HSD17B11: variants seen among roughly 807,000 people sequenced by gnomAD.
HSD17B11 encodes the protein hydroxysteroid 17-beta dehydrogenase 11.
In HSD17B11, 22 loss-of-function variants were observed where a neutral mutation model predicts 27.8. The ratio of observed to expected loss-of-function variants is 0.79; its 90% confidence interval spans 0.56 to 1.13. The LOEUF is 1.13. HSD17B11 is among the 50% of genes most tolerant of loss of function. HSD17B11 has a pLI of 0.00. For synonymous variants in HSD17B11, 117 were observed against 132.8 expected (o/e 0.88, Z 0.82); for missense variants, 314 against 351.1 (o/e 0.89, Z 0.84).
intron 1 of HSD17B11, chr4:87,387,085 A>ACCACAGT (rs1361234577): frequency 3.3e-5 from 5 of 152,314 alleles, no homozygotes; most frequent in African/African-American, 1.2e-4. Context: ...TGCAGAGCGC[A>ACCACAGT]CCACAGTCCA....
chr4:87,341,028 A>G (rs1479719427), intron 5 of HSD17B11, among the ~76,000 whole-genome samples: 2 of 152,194 alleles, frequency 1.3e-5, no homozygotes. Flanking sequence ...TTTATTATAT[A>G]CTCAGTCTCC....
rs780238456 is a variant in HSD17B11 at position 87,357,420 on chromosome 4, A to C, written c.558-4T>G. ...AACAGCAGCAAACTTGCTTGAACTG[A>C]AAATAGAGAGTTTACAAAATAATTC... On this transcript the variant is annotated splice_polypyrimidine_tract_variant and splice_region_variant and intron_variant, in intron 4 of 6. Coordinates refer to ENST00000358290, the MANE Select transcript of HSD17B11 (RefSeq NM_016245.5). 1 of 1,609,504 alleles carries C rather than the reference A, an allele frequency of 6.2e-7. No homozygotes were observed. Among genetic ancestry groups the C allele is most frequent in the Admixed American group, 1.7e-5 (1 of 58,864 alleles).
At chr4:87,375,656 G>A (rs1048283994) in intron 2 of HSD17B11, among the ~76,000 whole-genome samples, 1 of 152,198 alleles carries the variant, frequency 6.6e-6, no homozygotes, top group African/African-American at 2.4e-5. Context: ...CAGGAGAATC[G>A]CTTGAACCCG....
At chr4:87,384,490 C>T (rs575913170) in intron 1 of HSD17B11, among the ~76,000 whole-genome samples, 6 of 152,246 alleles carry the variant, frequency 3.9e-5, no homozygotes, top group Non-Finnish European at 5.9e-5. Context: ...AGCCTATAAA[C>T]GGATGTGCAA....
intron 2 of HSD17B11, among the ~76,000 whole-genome samples, chr4:87,375,706 A>C (rs1353987786): frequency 1.3e-5 from 2 of 152,210 alleles, no homozygotes; most frequent in Non-Finnish European, 2.9e-5. Flanking sequence ...GCGCCATCGC[A>C]CTCCGGCCTG....
chr4:87,340,671 T>C, intron 5 of HSD17B11, 65 bp from the exon 6 acceptor site: 4 of 1,063,498 alleles, frequency 3.8e-6, no homozygotes, highest in Non-Finnish European at 5.8e-6. Context: ...AGTTTGGTGC[T>C]AACCAACAGC....
At chr4:87,357,949 A>ATTTTTTTTTTTTTTTTTTTTTTTTTTTTT (rs57139706) in intron 4 of HSD17B11, among the ~76,000 whole-genome samples, 1 of 80,172 alleles carries the variant, frequency 1.2e-5, no homozygotes, top group African/African-American at 4.3e-5. Flanking sequence ...CATTAGAGAA[A>ATTTTTTTTTTTTTTTTTTTTTTTTTTTTT]TTTTTTTTTT....
At chr4:87,375,143 C>A (rs1453185760) in intron 2 of HSD17B11, among the ~76,000 whole-genome samples, 1 of 152,170 alleles carries the variant, frequency 6.6e-6, no homozygotes, top group African/African-American at 2.4e-5. Flanking sequence ...AAGTGATCTG[C>A]CCACCTCAGC....
intron 1 of HSD17B11, 147 bp from the exon 2 acceptor site, chr4:87,382,509 G>A: frequency 1.9e-6 from 1 of 515,928 alleles, no homozygotes; most frequent in East Asian, 2.9e-5. Flanking sequence ...ATTTTTGGCA[G>A]GTATATAGGC....
chr4:87,380,371 G>T (rs1297070743), intron 2 of HSD17B11, among the ~76,000 whole-genome samples: 2 of 147,008 alleles, frequency 1.4e-5, no homozygotes, highest in African/African-American at 5.0e-5. Context: ...TACTCGAGAG[G>T]CTGAGGCAGG....
intron 2 of HSD17B11, among the ~76,000 whole-genome samples, chr4:87,379,347 T>C (rs1219350295): frequency 6.6e-6 from 1 of 151,282 alleles, no homozygotes; most frequent in Non-Finnish European, 1.5e-5. Context: ...AATTGAGATG[T>C]GCTGTATATA....
chr4:87,389,005 G>T (rs979794356), intron 1 of HSD17B11, among the ~76,000 whole-genome samples: 1 of 152,096 alleles, frequency 6.6e-6, no homozygotes, highest in Non-Finnish European at 1.5e-5. Context: ...ATATCATACT[G>T]ACAGCTTTTT....
rs976799601 is a variant in HSD17B11 at position 87,361,065 on chromosome 4, T to C, written c.558-3649A>G. 3.3e-5 allele frequency among the ~76,000 whole-genome samples: 5 copies of C among 152,124 alleles called. 1 individual carries two copies. The highest frequency in any genetic ancestry group is 1.2e-4 in the African/African-American group (5 of 41,434). On this transcript the variant is annotated intron_variant, in intron 4 of 6. Coordinates refer to ENST00000358290, the MANE Select transcript of HSD17B11 (RefSeq NM_016245.5). Reference sequence around the variant, plus strand: ...AACTCCATCTTAAATAGGAGCTGGGTAAAATAAGGCTGAAACCTACCGGGC... The same window carrying C: ...AACTCCATCTTAAATAGGAGCTGGGCAAAATAAGGCTGAAACCTACCGGGC...
chr4:87,360,959 T>C (rs74511819), intron 4 of HSD17B11, among the ~76,000 whole-genome samples: 8,392 of 152,262 alleles, frequency 0.055, 783 homozygotes, highest in African/African-American at 0.19. Context: ...AATGCATAAC[T>C]ATATGTTTGC....
At chr4:87,386,968 G>C (rs1026088738) in intron 1 of HSD17B11, 3 of 152,236 alleles carry the variant, frequency 2.0e-5, no homozygotes, top group Non-Finnish European at 4.4e-5. Flanking sequence ...CCAGAGCTCT[G>C]ACCTGTTCCG....
intron 1 of HSD17B11, among the ~76,000 whole-genome samples, chr4:87,383,750 T>C (rs902653092): frequency 3.9e-5 from 6 of 151,910 alleles, no homozygotes; most frequent in Non-Finnish European, 7.4e-5. Flanking sequence ...TTTTGCCTTT[T>C]TTTTTTTTTA....
At chr4:87,340,805 C>T (rs1002686788) in intron 5 of HSD17B11, among the ~76,000 whole-genome samples, 199 bp from the exon 6 acceptor site, 1 of 152,186 alleles carries the variant, frequency 6.6e-6, no homozygotes, top group Non-Finnish European at 1.5e-5. Flanking sequence ...TAGTGCTTAT[C>T]GTGTACCACA....
In HSD17B11 at chr4:87,377,449, C is replaced by CAA. The variant is rs35761085; in HGVS notation, c.319-2621_319-2620dup. 2.3e-3 allele frequency among the ~76,000 whole-genome samples: 315 copies of CAA among 135,250 alleles called. 2 individuals are homozygous for CAA. The South Asian group carries it at 0.031, about 13-fold the overall frequency. 88.7% of individuals were successfully genotyped at this position (135,250 alleles called of 152,430 possible). On this transcript the variant is annotated intron_variant, in intron 2 of 6. Coordinates refer to ENST00000358290, the MANE Select transcript of HSD17B11 (RefSeq NM_016245.5). ...TGAGCGACAGAGCGAGACTCTGTCT[C>CAA]AAAAAAAAAAAAGACTATACTCAAA...
At chr4:87,386,352 G>A (rs1465143295) in intron 1 of HSD17B11, among the ~76,000 whole-genome samples, 3 of 151,996 alleles carry the variant, frequency 2.0e-5, no homozygotes, top group South Asian at 2.1e-4. Flanking sequence ...ACAGGCATGC[G>A]CCACCACACC....
Sources: allele counts gnomAD v4.1 joint callset (sites outside exome capture counted in the v4.1 genomes callset), GRCh38; gene constraint gnomAD v4.1.1; transcripts MANE v1.5; gene names NCBI Gene and HGNC (gene_info 2026-07-23, HGNC 2026-07-21).